Variants in AKAP13 observed in about 807,000 individuals in gnomAD.
AKAP13 encodes the protein A-kinase anchoring protein 13, also known as A-kinase anchor protein 13.
Under a neutral mutation model 264.5 loss-of-function variants are expected in AKAP13, and 80 were observed. The observed-to-expected ratio is 0.30, with a 90% confidence interval of 0.25 to 0.36. The LOEUF is 0.36. Ranked by LOEUF, AKAP13 falls within the 10% of genes least tolerant of loss-of-function variation. The pLI is 1.00. For synonymous variants in AKAP13, 1,380 were observed against 1,250.2 expected, an observed-to-expected ratio of 1.10 and a Z score of -2.19; for missense variants, 3,712 against 3,435.2, an observed-to-expected ratio of 1.08 and a Z score of -2.01.
At chr15:85,697,882 A>C (rs2085654945) in intron 17 of AKAP13, among the ~76,000 whole-genome samples, 1 of 152,226 alleles carries the variant, frequency 6.6e-6, no homozygotes, top group Non-Finnish European at 1.5e-5. Context: ...TGTACCCTTA[A>C]GTCCTTGATC....
chr15:85,553,810 C>T (rs2151240832), intron 5 of AKAP13, among the ~76,000 whole-genome samples: 1 of 152,266 alleles, frequency 6.6e-6, no homozygotes, highest in East Asian at 1.9e-4. Flanking sequence ...ACTGTCCAGT[C>T]AGTGGTGACA....
chr15:85,432,454 G>C lies in AKAP13; in HGVS notation c.-12+51656G>C, dbSNP rs553299127. Among the ~76,000 whole-genome samples the C allele has an allele frequency of 3.5e-4, 53 of 151,956 alleles. No homozygotes were observed. In the South Asian group the frequency reaches 7.1e-3, roughly 20 times the overall value. The stretch of plus-strand genomic sequence containing the variant: ...TTGTAAAATACGGGAGAATTCTACT[G>C]AATTCCCTCTTAGAGCATCATTCAG... On this transcript the variant is annotated intron_variant, in intron 1 of 36. Transcript: ENST00000394518.
intron 1 of AKAP13, among the ~76,000 whole-genome samples, chr15:85,396,288 G>A (rs1304215757): frequency 2.0e-5 from 3 of 152,094 alleles, no homozygotes; most frequent in Admixed American, 6.5e-5. Context: ...TCCACGTAGG[G>A]CTCTGTCACT....
Position 85,734,991 on chromosome 15 carries a change from G to T in AKAP13, c.7283-1G>T. ...AGCTTTGCATGTTTCCTTTATTCCA[G>T]TGGAGATCCTTCAGGGTTTGGTGAG... On this transcript the variant is annotated splice_acceptor_variant, in intron 30 of 36. Coordinates refer to ENST00000394518, the MANE Select transcript of AKAP13 (RefSeq NM_007200.5). LOFTEE classifies it high-confidence loss of function. 1 of 1,613,196 alleles carries T rather than the reference G, an allele frequency of 6.2e-7. No homozygotes were observed. Among genetic ancestry groups the T allele is most frequent in the Non-Finnish European group, 8.5e-7 (1 of 1,179,706 alleles).
At chr15:85,672,796 G>A (rs1419338028) in intron 14 of AKAP13, among the ~76,000 whole-genome samples, 6 of 152,194 alleles carry the variant, frequency 3.9e-5, no homozygotes, top group African/African-American at 1.4e-4. Flanking sequence ...CATATAATGA[G>A]CACATGCTGT....
At chr15:85,455,326 A>G (rs1283796313) in intron 1 of AKAP13, among the ~76,000 whole-genome samples, 4 of 152,078 alleles carry the variant, frequency 2.6e-5, no homozygotes, top group Non-Finnish European at 5.9e-5. Flanking sequence ...TCTTGTAGAT[A>G]TTTATGAATT....
At chr15:85,427,307 A>G (rs889929914) in intron 1 of AKAP13, among the ~76,000 whole-genome samples, 3 of 152,020 alleles carry the variant, frequency 2.0e-5, no homozygotes, top group Non-Finnish European at 4.4e-5. Context: ...TAATTTGTCC[A>G]GGTCTTCTGC....
intron 8 of AKAP13, among the ~76,000 whole-genome samples, chr15:85,602,565 C>T (rs1015292123): frequency 6.6e-6 from 1 of 152,044 alleles, no homozygotes; most frequent in Non-Finnish European, 1.5e-5. Context: ...TGGCTCACTG[C>T]CACCCCCACC....
chr15:85,483,632 CAAAA>C (rs35648447), intron 1 of AKAP13, among the ~76,000 whole-genome samples: 14 of 58,002 alleles, frequency 2.4e-4, no homozygotes, highest in Admixed American at 4.7e-4. Flanking sequence ...GACTCCGTCT[CAAAA>C]AAAAAAAAAA....
intron 8 of AKAP13, among the ~76,000 whole-genome samples, chr15:85,586,626 G>A (rs1287125818): frequency 1.3e-5 from 2 of 151,954 alleles, no homozygotes; most frequent in Non-Finnish European, 2.9e-5. Flanking sequence ...TTTCAGCAAT[G>A]AAAAAACAGG....
In AKAP13 at chr15:85,639,399, T is replaced by C; in HGVS notation, c.4187T>C (p.Ile1396Thr). 2 of 1,612,526 alleles carry C rather than the reference T, an allele frequency of 1.2e-6. No individual in the cohort carries two copies. The highest frequency in any genetic ancestry group is 1.7e-6 in the Non-Finnish European group (2 of 1,179,492). ...QAINRENWCT[I>T]EPCPDAASLL... ...ATAAACCGAGAAAACTGGTGTACAATAGAGCCATGCCCTGATGCAGCATCT... is the reference window on the plus strand; with the variant it reads ...ATAAACCGAGAAAACTGGTGTACAACAGAGCCATGCCCTGATGCAGCATCT... The change falls in exon 9 of 37, where the codon ATA becomes ACA. Residue 1396 changes from isoleucine (I) to threonine (T), a missense_variant. By Grantham distance (89) the Ile-to-Thr change is moderately conservative. This residue lies in a region of AKAP13 where 2,759 missense variants were observed against 2,411.7 expected (regional missense o/e 1.14). Transcript: ENST00000394518.
chr15:85,738,639 C>T (rs1042015785), intron 33 of AKAP13, among the ~76,000 whole-genome samples: 2 of 151,548 alleles, frequency 1.3e-5, no homozygotes, highest in Non-Finnish European at 2.9e-5. Flanking sequence ...GAGATCGAGA[C>T]CATCCTGGCT....
chr15:85,451,797 A>G (rs1197405999), intron 1 of AKAP13, among the ~76,000 whole-genome samples: 1 of 152,124 alleles, frequency 6.6e-6, no homozygotes, highest in African/African-American at 2.4e-5. Flanking sequence ...TGCCTTTAAC[A>G]TTTATTCTTT....
At chr15:85,577,723 C>T in intron 6 of AKAP13, 1 of 836,488 alleles carries the variant, frequency 1.2e-6, no homozygotes, top group Non-Finnish European at 1.4e-6. Flanking sequence ...TATATGTTCT[C>T]ATTTATTTTA....
chr15:85,689,984 G>T (rs1050058744), intron 16 of AKAP13: 1 of 152,246 alleles, frequency 6.6e-6, no homozygotes, highest in African/African-American at 2.4e-5. Context: ...GACGGCATGC[G>T]CCCCCGCTTC....
At chr15:85,577,232 C>A (rs1303025338) in intron 6 of AKAP13, among the ~76,000 whole-genome samples, 1 of 152,176 alleles carries the variant, frequency 6.6e-6, no homozygotes, top group East Asian at 1.9e-4. Context: ...GATGATGGAA[C>A]CCTGTAAGTG....
rs987610603 is a variant in AKAP13 at position 85,405,131 on chromosome 15, G to A, written c.-12+24333G>A. Among the ~76,000 whole-genome samples the A allele has an allele frequency of 3.3e-5, 5 of 152,120 alleles. No homozygotes were observed. In the East Asian group the frequency reaches 7.7e-4, roughly 23 times the overall value. On this transcript the variant is annotated intron_variant, in intron 1 of 36. Coordinates refer to ENST00000394518, the MANE Select transcript of AKAP13 (RefSeq NM_007200.5). ...TAGAGCTTATGAATAGATGAGTCAT[G>A]TGTTTTAATCGATTCAGACTTAGTT...
chr15:85,425,444 G>A (rs2072730401), intron 1 of AKAP13, among the ~76,000 whole-genome samples: 1 of 152,112 alleles, frequency 6.6e-6, no homozygotes, highest in African/African-American at 2.4e-5. Context: ...GGCTGGTCCT[G>A]GTGGCTCACA....
intron 1 of AKAP13, among the ~76,000 whole-genome samples, 171 bp downstream of exon 1, chr15:85,380,969 C>G (rs1320243443): frequency 7.9e-5 from 12 of 152,108 alleles, no homozygotes; most frequent in East Asian, 3.9e-4. Context: ...CGGGCGGCGC[C>G]GGGACCTCAG....
Sources: gnomAD v4.1 joint callset for allele counts (sites outside exome capture counted in the v4.1 genomes callset) on GRCh38, gnomAD v4.1.1 for gene constraint, gnomAD v4.1.1 regional missense constraint, MANE v1.5 for transcripts, NCBI Gene and HGNC (gene_info 2026-07-23, HGNC 2026-07-21) for gene names.